F11: variants seen among roughly 807,000 people sequenced by gnomAD.
F11 encodes coagualtion factor XI.
F11 carries 78 observed loss-of-function variants against 76.5 expected under a neutral mutation model. The ratio of observed to expected loss-of-function variants is 1.02; its 90% CI spans 0.85 to 1.23. The LOEUF (loss-of-function observed/expected upper bound fraction) is 1.23. Among genes scored for constraint, F11 ranks in the 50% most tolerant of loss-of-function variants. F11 has a pLI of 0.00. For synonymous variants in F11, 278 were observed against 276.3 expected, an observed-to-expected ratio of 1.01 and a Z score of -0.06; for missense variants, 742 against 771.4, an observed-to-expected ratio of 0.96 and a Z score of 0.45.
rs547797162 is a variant in F11 at position 186,269,698 on chromosome 4, G to T, written c.56-1911G>T. ...ATGGTGCTGATGGTTGCACAGCAAT[G>T]TAAATACCCTTAGTGCCACAGAACT... On this transcript the variant is annotated intron_variant, in intron 2 of 14. Coordinates refer to ENST00000403665, the MANE Select transcript of F11 (RefSeq NM_000128.4). Among the ~76,000 whole-genome samples, 26 of 152,308 alleles carry T rather than the reference G, an allele frequency of 1.7e-4. No homozygotes were observed. The South Asian group carries it at 5.4e-3, about 32-fold the overall frequency.
intron 7 of F11, among the ~76,000 whole-genome samples, 192 bp downstream of exon 7, chr4:186,276,582 CTTT>C (rs33965536): frequency 2.5e-4 from 19 of 75,912 alleles, no homozygotes; most frequent in African/African-American, 4.5e-4. Context: ...ACCGAGGACT[CTTT>C]TTTTTTTTTT....
rs545155665 is a variant in F11, at chr4:186,274,630, A to G, written c.485+355A>G. Reference sequence around the variant, plus strand: ...ACAGTCTAACAGAATAAAAATAAAAACCTACTCTCTCTCTCTCTAAATAAC... The same window carrying G: ...ACAGTCTAACAGAATAAAAATAAAAGCCTACTCTCTCTCTCTCTAAATAAC... On this transcript the variant is annotated intron_variant, in intron 5 of 14. Coordinates refer to ENST00000403665, the MANE Select transcript of F11 (RefSeq NM_000128.4). 2.5e-4 allele frequency: 78 copies of G among 306,562 alleles called. 1 individual carries two copies. Among genetic ancestry groups the G allele is most frequent in the South Asian group, 2.5e-3 (75 of 29,638 alleles). 19.0% of individuals were successfully genotyped at this position (306,562 alleles called of 1,614,324 possible). A position where few individuals can be genotyped will look rare whatever the true frequency, so the allele number is the denominator to read the frequency against.
At chr4:186,272,167 A>C (rs541435042) in intron 3 of F11, among the ~76,000 whole-genome samples, 2 of 152,298 alleles carry the variant, frequency 1.3e-5, no homozygotes, top group South Asian at 2.1e-4. Context: ...TTTGAAAAAA[A>C]GTACAGTACA....
chr4:186,282,814 T>C, intron 10 of F11: 1 of 985,410 alleles, frequency 1.0e-6, no homozygotes, highest in Non-Finnish European at 1.2e-6. Flanking sequence ...CCTCAGTTGC[T>C]GTTAGCTGCT....
At chr4:186,271,871 C>T in intron 3 of F11, 100 bp downstream of exon 3, 5 of 1,283,014 alleles carry the variant, frequency 3.9e-6, no homozygotes, top group Admixed American at 1.8e-5. Context: ...TTAACATTAA[C>T]AACTGGAAGA....
chr4:186,284,726 T>C lies in F11; in HGVS notation c.1304+466T>C, dbSNP rs1269266624. Among the ~76,000 whole-genome samples, 3 of 152,012 alleles carry C rather than the reference T, an allele frequency of 2.0e-5. 1 individual carries two copies. Among genetic ancestry groups the C allele is most frequent in the East Asian group, 1.9e-4 (1 of 5,184 alleles). On this transcript the variant is annotated intron_variant, in intron 11 of 14. Transcript: ENST00000403665. ...ACTTTGGGTGGCTGAGGTGGGAGGA[T>C]TGCTCAATGCCAGGAGTCTGAGGTC... is the stretch of plus-strand genomic sequence containing the variant.
Position 186,287,665 on chromosome 4 carries a change from C to T in F11, c.1577-19C>T, listed in dbSNP as rs758429812. ...TGTGTATGGTTATTCTACAAACGAA[C>T]CAAAAAAATTTTTTTCAGACAAAAT... On this transcript the variant is annotated intron_variant, in intron 13 of 14. Coordinates refer to ENST00000403665, the MANE Select transcript of F11 (RefSeq NM_000128.4). The T allele has an allele frequency of 2.3e-5, 36 of 1,598,074 alleles. No homozygotes were observed. Among genetic ancestry groups the T allele is most frequent in the Non-Finnish European group, 6.8e-6 (8 of 1,170,444 alleles).
In F11 at chr4:186,275,906, G is replaced by A. The variant is rs368132889; in HGVS notation, c.595+10G>A. On this transcript the variant is annotated intron_variant, in intron 6 of 14. Coordinates refer to ENST00000403665, the MANE Select transcript of F11 (RefSeq NM_000128.4). ...GCACTTTCTAATCTGGGTAATTATCGACTTCTTGATGATGTAATTCAACCA... is the reference window on the plus strand; with the variant it reads ...GCACTTTCTAATCTGGGTAATTATCAACTTCTTGATGATGTAATTCAACCA... 2.5e-6 allele frequency: 4 copies of A among 1,581,742 alleles called. No homozygotes were observed. The African/African-American group carries it at 4.0e-5, about 16-fold the overall frequency.
chr4:186,279,748 A>G (rs1740647792), intron 7 of F11, among the ~76,000 whole-genome samples: 1 of 152,206 alleles, frequency 6.6e-6, no homozygotes, highest in Non-Finnish European at 1.5e-5. Context: ...AAGGGAAGAT[A>G]CTAGGAAGAC....
intron 13 of F11, 30 bp from the exon 14 acceptor site, chr4:186,287,654 C>G: frequency 6.4e-7 from 1 of 1,566,438 alleles, no homozygotes. Flanking sequence ...TATGGTTATT[C>G]TACAAACGAA....
intron 2 of F11, among the ~76,000 whole-genome samples, chr4:186,271,237 T>C (rs568312520): frequency 5.3e-5 from 8 of 152,016 alleles, no homozygotes; most frequent in African/African-American, 1.9e-4. Context: ...AGGGTTTGGA[T>C]AAAGAGACGC....
In F11 at chr4:186,286,379, G is replaced by A. The variant is rs770104987; in HGVS notation, c.1481-36G>A. ...TCTTCTGGAAAAGAGGATATATTTT[G>A]CGTCTCATATTTAAACCACGATTTT... is the stretch of plus-strand genomic sequence containing the variant. On this transcript the variant is annotated intron_variant, in intron 12 of 14. Coordinates refer to ENST00000403665, the MANE Select transcript of F11 (RefSeq NM_000128.4). The A allele has an allele frequency of 1.7e-5, 26 of 1,506,088 alleles. No individual in the cohort carries two copies. In the South Asian group the frequency reaches 2.8e-4, roughly 16 times the overall value. The allele number at this position is 1,506,088 out of a possible 1,614,324, so 93.3% of individuals were successfully genotyped here.
intron 4 of F11, among the ~76,000 whole-genome samples, chr4:186,273,637 G>A (rs1438568373): frequency 1.3e-5 from 2 of 152,040 alleles, no homozygotes; most frequent in African/African-American, 2.4e-5. Flanking sequence ...ATTTTTCCTA[G>A]AGACAGGGTC....
chr4:186,277,479 C>G (rs1367454718), intron 7 of F11, among the ~76,000 whole-genome samples: 1 of 152,060 alleles, frequency 6.6e-6, no homozygotes, highest in Non-Finnish European at 1.5e-5. Flanking sequence ...GGGCAGTTGT[C>G]TAGTTCTAAA....
chr4:186,288,623 C>A lies in F11; in HGVS notation c.*9C>A. 6.2e-7 allele frequency: 1 copy of A among 1,612,686 alleles called. No homozygotes were observed. The highest frequency in any genetic ancestry group is 8.5e-7 in the Non-Finnish European group (1 of 1,179,286). On this transcript the variant is annotated 3_prime_UTR_variant, in exon 15 of 15. Coordinates refer to ENST00000403665, the MANE Select transcript of F11 (RefSeq NM_000128.4). ...AAACTCAAGCAGTGTGAATGGGTTC[C>A]CAGGGGCCATTGGAGTCCCTGAAGG...
At chr4:186,268,456 T>C (rs908805481) in intron 2 of F11, among the ~76,000 whole-genome samples, 1 of 152,172 alleles carries the variant, frequency 6.6e-6, no homozygotes, top group Non-Finnish European at 1.5e-5. Context: ...TTTACAAATA[T>C]TGACCACACA....
chr4:186,276,629 C>T (rs183939043), intron 7 of F11, among the ~76,000 whole-genome samples: 3 of 142,642 alleles, frequency 2.1e-5, no homozygotes, highest in Middle Eastern at 4.0e-3. Context: ...CTCTGCTGCC[C>T]AGGCTGGAGT....
At chr4:186,284,879 G>T (rs1741068905) in intron 11 of F11, among the ~76,000 whole-genome samples, 1 of 152,174 alleles carries the variant, frequency 6.6e-6, no homozygotes, top group African/African-American at 2.4e-5. Context: ...GAGCCCAAGA[G>T]TTCAAGGGTG....
intron 7 of F11, among the ~76,000 whole-genome samples, chr4:186,277,940 C>T (rs898622441): frequency 1.3e-5 from 2 of 152,164 alleles, no homozygotes; most frequent in Non-Finnish European, 2.9e-5. Context: ...GCTGGGACCA[C>T]AGGTGTGCAC....
Sources: allele counts gnomAD v4.1 joint callset (sites outside exome capture counted in the v4.1 genomes callset), GRCh38; gene constraint gnomAD v4.1.1; transcripts MANE v1.5; gene names NCBI Gene and HGNC (gene_info 2026-07-23, HGNC 2026-07-21).